Variants in TSPAN11 observed in about 807,000 individuals in gnomAD.
The protein encoded by TSPAN11 is tetraspanin-11.
Under a neutral mutation model 32.9 loss-of-function variants are expected in TSPAN11, and 29 were observed. The observed-to-expected ratio is 0.88, with a 90% confidence interval of 0.66 to 1.20. TSPAN11 has a LOEUF of 1.20. Among genes scored for constraint, TSPAN11 ranks in the 50% most tolerant of loss-of-function variants. The pLI, the probability that TSPAN11 is intolerant of heterozygous loss-of-function variation, is 0.00. For synonymous variants in TSPAN11, 140 were observed against 141.3 expected, an observed-to-expected ratio of 0.99 and a Z score of 0.07; for missense variants, 283 against 329.1, an observed-to-expected ratio of 0.86 and a Z score of 1.08.
At chr12:31,003,180 A>C in the TSPAN11 span, among the ~76,000 whole-genome samples, 621 of 152,382 alleles carry the variant, frequency 4.1e-3, 5 homozygotes, top group Middle Eastern at 0.01. Flanking sequence ...ACTCAGGGGA[A>C]TTCTGCCCCA....
chr12:30,942,548 A>C (rs777835324), intron 1 of TSPAN11, among the ~76,000 whole-genome samples: 1 of 152,194 alleles, frequency 6.6e-6, no homozygotes, highest in Admixed American at 6.5e-5. Context: ...AAAACATAGC[A>C]TGCATGTGGC....
At chr12:30,955,046 C>T (rs1298099483) in intron 2 of TSPAN11, 1 of 152,196 alleles carries the variant, frequency 6.6e-6, no homozygotes, top group Non-Finnish European at 1.5e-5. Flanking sequence ...TCTGAGTTTT[C>T]AGGGTCTTTC....
downstream of TSPAN11, among the ~76,000 whole-genome samples, chr12:30,998,101 CGT>C (rs139722245): frequency 7.7e-3 from 1,168 of 152,228 alleles, 17 homozygotes; most frequent in African/African-American, 0.027. Flanking sequence ...TGAGTGTGTG[CGT>C]GTGTGTGTGT....
At chr12:30,988,757 T>G (rs1939254179) in intron 7 of TSPAN11, among the ~76,000 whole-genome samples, 1 of 152,120 alleles carries the variant, frequency 6.6e-6, no homozygotes, top group South Asian at 2.1e-4. Flanking sequence ...ATCTTATTCA[T>G]GCACATCTGA....
At chr12:31,011,333 T>TC in the TSPAN11 span, among the ~76,000 whole-genome samples, 2 of 152,192 alleles carry the variant, frequency 1.3e-5, no homozygotes, top group African/African-American at 4.8e-5. Context: ...ACTTATGTAG[T>TC]CCCCCTGAAA....
intron 1 of TSPAN11, 108 bp from the exon 2 acceptor site, chr12:30,953,873 T>C (rs1718969684): frequency 1.4e-6 from 1 of 725,420 alleles, no homozygotes; most frequent in East Asian, 2.6e-5. Flanking sequence ...CCCCGGCAGA[T>C]AGGTTAATGA....
At position 30,979,465 on chromosome 12, in the gene TSPAN11, AGT is replaced by A; in HGVS notation, c.352-98_352-97del. 2.9e-6 allele frequency: 3 copies of A among 1,029,914 alleles called. No individual in the cohort carries two copies. The South Asian group carries it at 4.1e-5, about 14-fold the overall frequency. The allele number at this position is 1,029,914 out of a possible 1,614,324, so 63.8% of individuals were successfully genotyped here. A position where few individuals can be genotyped will look rare whatever the true frequency, so the allele number is the denominator to read the frequency against. ...CCGCATCACACCATCCACAGTCCGC[AGT>A]GTTCTAGAATTAGCTGGGGGGAGTT... On this transcript the variant is annotated intron_variant, in intron 4 of 7. Transcript: ENST00000546076.
chr12:30,996,813 A>T (rs1212030183), downstream of TSPAN11, among the ~76,000 whole-genome samples: 1 of 152,146 alleles, frequency 6.6e-6, no homozygotes, highest in Non-Finnish European at 1.5e-5. Flanking sequence ...CCTGCTCACA[A>T]GTGTCATTAG....
At chr12:30,990,672 A>T (rs1404763143) in intron 7 of TSPAN11, among the ~76,000 whole-genome samples, 1 of 152,144 alleles carries the variant, frequency 6.6e-6, no homozygotes, top group South Asian at 2.1e-4. Flanking sequence ...TCCCCCAGCT[A>T]GCTGTCAGAG....
At chr12:31,016,045 G>T in the TSPAN11 span, among the ~76,000 whole-genome samples, 11 of 152,208 alleles carry the variant, frequency 7.2e-5, no homozygotes, top group African/African-American at 2.7e-4. Flanking sequence ...GGCATGGTGA[G>T]GCAGGAGGAT....
chr12:31,001,259 C>T (rs948776749), downstream of TSPAN11, among the ~76,000 whole-genome samples: 3 of 152,224 alleles, frequency 2.0e-5, no homozygotes, highest in African/African-American at 7.2e-5. Context: ...TGTGCTTCAA[C>T]TCTGTGGACC....
the TSPAN11 span, among the ~76,000 whole-genome samples, chr12:31,004,648 G>C: frequency 6.6e-6 from 1 of 152,174 alleles, no homozygotes; most frequent in Non-Finnish European, 1.5e-5. Flanking sequence ...CCACACTAGA[G>C]AGAAATTTGA....
chr12:30,980,775 C>T (rs1354645587), intron 5 of TSPAN11, among the ~76,000 whole-genome samples: 1 of 152,172 alleles, frequency 6.6e-6, no homozygotes, highest in Non-Finnish European at 1.5e-5. Context: ...AGTGCACACC[C>T]ACAGACACAC....
intron 2 of TSPAN11, among the ~76,000 whole-genome samples, chr12:30,961,029 G>A (rs1452601529): frequency 6.5e-5 from 9 of 138,494 alleles, no homozygotes; most frequent in African/African-American, 5.5e-5. Flanking sequence ...ACAGAGCGAG[G>A]AAAAAAAAAA....
At chr12:30,979,424 C>A in intron 4 of TSPAN11, 142 bp from the exon 5 acceptor site, 1 of 735,266 alleles carries the variant, frequency 1.4e-6, no homozygotes, top group Non-Finnish European at 2.3e-6. Context: ...TGGTCCCTTA[C>A]GCTGTTGAGA....
chr12:30,966,801 A>G (rs967616793), intron 3 of TSPAN11, among the ~76,000 whole-genome samples: 7 of 152,348 alleles, frequency 4.6e-5, no homozygotes, highest in African/African-American at 1.7e-4. Flanking sequence ...CCGGAACCCT[A>G]GGGCAAGAGA....
chr12:30,967,956 A>G (rs1938771935), intron 3 of TSPAN11, among the ~76,000 whole-genome samples: 1 of 152,084 alleles, frequency 6.6e-6, no homozygotes, highest in Non-Finnish European at 1.5e-5. Context: ...TTAAACCAAG[A>G]AGGTGCCTGT....
chr12:30,946,069 C>T (rs993003170), intron 1 of TSPAN11, among the ~76,000 whole-genome samples: 1 of 152,206 alleles, frequency 6.6e-6, no homozygotes, highest in Non-Finnish European at 1.5e-5. Context: ...AGGATACTTA[C>T]ACTGCAGGGT....
chr12:30,965,940 G>A lies in TSPAN11; in HGVS notation c.276+1923G>A, dbSNP rs201263247. On this transcript the variant is annotated intron_variant, in intron 3 of 7. Transcript: ENST00000546076. ...TTGACCAGCCCGTAGCCCACGGGCCGCATGCAGCCCAGGACAGCTTTGAAT... is the reference window on the plus strand; with the variant it reads ...TTGACCAGCCCGTAGCCCACGGGCCACATGCAGCCCAGGACAGCTTTGAAT... Among the ~76,000 whole-genome samples the A allele has an allele frequency of 1.6e-4, 25 of 152,078 alleles. 1 individual carries two copies. In the East Asian group the frequency reaches 4.1e-3, roughly 25 times the overall value.
Sources: allele counts gnomAD v4.1 joint callset (sites outside exome capture counted in the v4.1 genomes callset), GRCh38; gene constraint gnomAD v4.1.1; transcripts MANE v1.5; gene names NCBI Gene and HGNC (gene_info 2026-07-23, HGNC 2026-07-21).